The following PCDH15 variants were observed in gnomAD, a reference collection of about 807,000 sequenced individuals.
The protein encoded by PCDH15 is protocadherin related 15.
Under a neutral mutation model 178.5 loss-of-function variants are expected in PCDH15, and 129 were observed. That is an observed-to-expected ratio of 0.72 (90% confidence interval 0.63 to 0.84). The LOEUF is 0.84. Ranked by LOEUF, PCDH15 falls within the 40% of genes least tolerant of loss-of-function variation. PCDH15 has a pLI of 0.00. For missense variants in PCDH15, 2,230 were observed against 2,099.9 expected, an observed-to-expected ratio of 1.06 and a Z score of -1.21; for synonymous variants, 800 against 732.0, an observed-to-expected ratio of 1.09 and a Z score of -1.50.
At chr10:54,959,363 C>A (rs538758147) in intron 2 of PCDH15, among the ~76,000 whole-genome samples, 1 of 151,906 alleles carries the variant, frequency 6.6e-6, no homozygotes, top group South Asian at 2.1e-4. Flanking sequence ...ATATGTAGAA[C>A]AAATGATTGA....
At chr10:54,091,240 AG>A (rs932693787) in intron 15 of PCDH15, among the ~76,000 whole-genome samples, 1 of 152,160 alleles carries the variant, frequency 6.6e-6, no homozygotes, top group Admixed American at 6.5e-5. Context: ...ATGATGCTAC[AG>A]GGGGGGATAT....
chr10:54,213,111 T>G (rs1390330477), intron 10 of PCDH15, among the ~76,000 whole-genome samples: 1 of 144,634 alleles, frequency 6.9e-6, no homozygotes, highest in African/African-American at 2.5e-5. Flanking sequence ...AGGTTTTTTT[T>G]GCATGCTTAA....
At chr10:55,541,899 A>G (rs1237518068) in intron 2 of PCDH15, among the ~76,000 whole-genome samples, 1 of 151,892 alleles carries the variant, frequency 6.6e-6, no homozygotes, top group Non-Finnish European at 1.5e-5. Flanking sequence ...ACCATAAGAA[A>G]GAAAGTTTCT....
chr10:54,286,813 A>G (rs2059056943), intron 8 of PCDH15, among the ~76,000 whole-genome samples: 1 of 152,128 alleles, frequency 6.6e-6, no homozygotes, highest in Non-Finnish European at 1.5e-5. Flanking sequence ...TTTTTAGTAG[A>G]GACGGGGTTT....
chr10:54,368,933 T>C (rs1303517436), intron 5 of PCDH15, among the ~76,000 whole-genome samples, 187 bp downstream of exon 5: 1 of 152,120 alleles, frequency 6.6e-6, no homozygotes, highest in Admixed American at 6.6e-5. Context: ...TTCCCATAGT[T>C]AAATGAATTC....
intron 2 of PCDH15, among the ~76,000 whole-genome samples, chr10:55,443,680 T>C (rs888506076): frequency 6.6e-6 from 1 of 152,218 alleles, no homozygotes; most frequent in Middle Eastern, 3.4e-3. Context: ...TTTTACACTG[T>C]TGGTGGGAGT....
At chr10:54,582,331 TTCC>T (rs2091113423) in intron 2 of PCDH15, among the ~76,000 whole-genome samples, 1 of 152,018 alleles carries the variant, frequency 6.6e-6, no homozygotes, top group African/African-American at 2.4e-5. Context: ...TGACAAAATA[TTCC>T]ATAAAGATTG....
chr10:53,809,418 T>C, intron 37 of PCDH15: 1 of 1,614,026 alleles, frequency 6.2e-7, no homozygotes, highest in Non-Finnish European at 8.5e-7. Context: ...TGGGGAATAT[T>C]CTGGCTCTCT....
rs367585512 is a variant in PCDH15, at chr10:54,002,130, G to GTA, written c.2752-6367_2752-6366dup. 7.6e-3 allele frequency among the ~76,000 whole-genome samples: 1,135 copies of GTA among 149,328 alleles called. 11 individuals carry two copies. The highest frequency in any genetic ancestry group is 0.022 in the African/African-American group (911 of 40,562). On this transcript the variant is annotated intron_variant, in intron 20 of 37. Coordinates refer to ENST00000644397, the MANE Select transcript of PCDH15 (RefSeq NM_001384140.1). ...ATACATATGTATTCAGTGTGTGTGT[G>GTA]TATATATATATACACATACACACAC...
At chr10:55,305,651 G>T (rs1843403130) in intron 1 of PCDH15, among the ~76,000 whole-genome samples, 1 of 152,114 alleles carries the variant, frequency 6.6e-6, no homozygotes. Context: ...CTATTCAATG[G>T]GAATAAACTA....
At chr10:54,416,339 T>C (rs1304475748) in intron 3 of PCDH15, among the ~76,000 whole-genome samples, 4 of 152,042 alleles carry the variant, frequency 2.6e-5, no homozygotes, top group Non-Finnish European at 5.9e-5. Flanking sequence ...CGTGTTCTCA[T>C]TGTTCAACCC....
chr10:54,171,135 C>T (rs2046863643), intron 13 of PCDH15, among the ~76,000 whole-genome samples: 1 of 152,068 alleles, frequency 6.6e-6, no homozygotes. Flanking sequence ...TCAGTTTAGC[C>T]TTCCCACCTC....
At chr10:55,072,153 G>C (rs1434592514) in intron 2 of PCDH15, among the ~76,000 whole-genome samples, 55 of 151,986 alleles carry the variant, frequency 3.6e-4, no homozygotes, top group African/African-American at 1.1e-3. Flanking sequence ...CAGGAAAGAT[G>C]CAAAATTGAC....
intron 1 of PCDH15, among the ~76,000 whole-genome samples, chr10:55,280,465 T>A (rs1031826991): frequency 6.8e-6 from 1 of 146,172 alleles, no homozygotes; most frequent in African/African-American, 2.5e-5. Flanking sequence ...TTTTTTTTTT[T>A]TTTAGTAGAG....
chr10:54,095,444 A>G (rs2094684207), intron 15 of PCDH15, among the ~76,000 whole-genome samples: 1 of 151,944 alleles, frequency 6.6e-6, no homozygotes, highest in South Asian at 2.1e-4. Flanking sequence ...AATATTATAT[A>G]GAATATACAT....
At chr10:54,257,707 T>C (rs1009547915) in intron 8 of PCDH15, among the ~76,000 whole-genome samples, 1 of 152,092 alleles carries the variant, frequency 6.6e-6, no homozygotes, top group Non-Finnish European at 1.5e-5. Flanking sequence ...GGAGGGTGTA[T>C]GCATACACTT....
At chr10:53,941,642 G>A (rs1344871841) in intron 23 of PCDH15, among the ~76,000 whole-genome samples, 1 of 152,130 alleles carries the variant, frequency 6.6e-6, no homozygotes, top group Non-Finnish European at 1.5e-5. Context: ...GTAGGTTTTT[G>A]TGACTCTAAG....
Position 53,833,909 on chromosome 10 carries a change from G to A in PCDH15, c.3984-2376C>T, listed in dbSNP as rs1364525173. Among the ~76,000 whole-genome samples, 3 of 152,036 alleles carry A rather than the reference G, an allele frequency of 2.0e-5. No individual in the cohort carries two copies. In the East Asian group the frequency reaches 5.8e-4, roughly 29 times the overall value. On this transcript the variant is annotated intron_variant, in intron 29 of 37. Transcript: ENST00000644397. ...CACATGCCTTCTCATTTCAGGAAAG[G>A]TTGAATCCAGGTGCTCAATTGATTT...
At chr10:54,718,684 C>CT (rs71461255) in intron 1 of PCDH15, among the ~76,000 whole-genome samples, 55,799 of 111,390 alleles carry the variant, frequency 0.5, 15,163 homozygotes, top group Middle Eastern at 0.6. Context: ...CACACTGATT[C>CT]TTTTTTTTTT....
Sources: allele counts gnomAD v4.1 joint callset (sites outside exome capture counted in the v4.1 genomes callset), GRCh38; gene constraint gnomAD v4.1.1; transcripts MANE v1.5; gene names NCBI Gene and HGNC (gene_info 2026-07-23, HGNC 2026-07-21).